TRIQK: variants seen among roughly 807,000 people sequenced by gnomAD.
TRIQK encodes the protein triple QxxK/R motif-containing protein.
TRIQK carries 10 observed loss-of-function variants against 10.8 expected under a neutral mutation model. The observed-to-expected ratio is 0.92, with a 90% CI of 0.57 to 1.57. The LOEUF (loss-of-function observed/expected upper bound fraction) is 1.57. Ranked by LOEUF, TRIQK falls within the 40% of genes most tolerant of loss-of-function variation. The pLI, the probability that TRIQK is intolerant of heterozygous loss-of-function variation, is 0.00. For synonymous variants in TRIQK, 33 were observed against 33.7 expected, an observed-to-expected ratio of 0.98 and a Z score of 0.07; for missense variants, 107 against 97.7, an observed-to-expected ratio of 1.09 and a Z score of -0.40.
intron 3 of TRIQK, among the ~76,000 whole-genome samples, chr8:92,894,774 C>G (rs1808501741): frequency 6.6e-6 from 1 of 152,032 alleles, no homozygotes; most frequent in South Asian, 2.1e-4. Flanking sequence ...TGTGGAAACT[C>G]TGCAAACTAG....
intron 1 of TRIQK, among the ~76,000 whole-genome samples, chr8:93,006,387 A>T (rs1813272048): frequency 6.6e-6 from 1 of 152,192 alleles, no homozygotes; most frequent in African/African-American, 2.4e-5. Flanking sequence ...GCAGTGAGTG[A>T]TCATGCTACC....
upstream of TRIQK, among the ~76,000 whole-genome samples, chr8:92,968,585 C>T (rs187956970): frequency 1.2e-3 from 181 of 152,188 alleles, no homozygotes; most frequent in African/African-American, 4.1e-3. Context: ...GCTTATTGGA[C>T]GCATAAATGT....
At chr8:92,991,421 C>G (rs1380302937) in intron 1 of TRIQK, among the ~76,000 whole-genome samples, 5 of 152,228 alleles carry the variant, frequency 3.3e-5, no homozygotes, top group Non-Finnish European at 7.3e-5. Context: ...CAGACTGCCT[C>G]TTCAAGTGGG....
intron 1 of TRIQK, chr8:92,964,933 T>C (rs2130726532): frequency 6.6e-6 from 1 of 152,358 alleles, no homozygotes; most frequent in South Asian, 2.1e-4. Flanking sequence ...ACAAGCTTCC[T>C]TCCTGGGGGT....
chr8:92,929,349 A>G (rs1338471967), intron 2 of TRIQK, among the ~76,000 whole-genome samples: 1 of 152,194 alleles, frequency 6.6e-6, no homozygotes, highest in South Asian at 2.1e-4. Flanking sequence ...AATCTACATT[A>G]CAAAATGTTT....
chr8:92,895,181 C>G (rs1808529054), intron 3 of TRIQK, among the ~76,000 whole-genome samples: 3 of 152,216 alleles, frequency 2.0e-5, no homozygotes, highest in Admixed American at 2.0e-4. Context: ...TGCCTTCCAC[C>G]ATGGGATAAT....
At chr8:92,954,679 T>G (rs1392224102) in intron 1 of TRIQK, 115 bp from the exon 2 acceptor site, 1 of 152,022 alleles carries the variant, frequency 6.6e-6, no homozygotes, top group East Asian at 1.9e-4. Context: ...CTTGGTTTGC[T>G]AACTCTGTTA....
chr8:92,901,187 C>G (rs1175488835), intron 3 of TRIQK, among the ~76,000 whole-genome samples: 1 of 152,132 alleles, frequency 6.6e-6, no homozygotes, highest in Non-Finnish European at 1.5e-5. Flanking sequence ...ACCATATCAT[C>G]TGCAAACAAG....
intron 1 of TRIQK, among the ~76,000 whole-genome samples, chr8:93,007,063 A>G (rs2130760823): frequency 6.6e-6 from 1 of 152,282 alleles, no homozygotes; most frequent in Middle Eastern, 3.4e-3. Flanking sequence ...GAGACCCCCC[A>G]AGAGGGGTCA....
intron 2 of TRIQK, among the ~76,000 whole-genome samples, chr8:92,949,757 G>A (rs1811756928): frequency 1.1e-5 from 1 of 91,330 alleles, no homozygotes; most frequent in Admixed American, 1.2e-4. Context: ...GGAAAGGGAA[G>A]GAAAGAAAGA....
chr8:93,003,742 C>T (rs1341252513), intron 1 of TRIQK, among the ~76,000 whole-genome samples: 2 of 152,136 alleles, frequency 1.3e-5, no homozygotes, highest in Admixed American at 1.3e-4. Flanking sequence ...ATACAATGAG[C>T]GTACAGGCAT....
At chr8:92,927,590 G>A (rs1385442092) in intron 2 of TRIQK, among the ~76,000 whole-genome samples, 1 of 152,154 alleles carries the variant, frequency 6.6e-6, no homozygotes, top group African/African-American at 2.4e-5. Context: ...TTTTGGTCCA[G>A]AAGGACTGAA....
intron 1 of TRIQK, among the ~76,000 whole-genome samples, chr8:92,976,065 T>TATA (rs1480009258): frequency 6.6e-6 from 1 of 151,932 alleles, no homozygotes; most frequent in Non-Finnish European, 1.5e-5. Context: ...GTATAGAAAC[T>TATA]TATTTTATTA....
At chr8:92,895,642 G>A (rs757966056) in intron 3 of TRIQK, among the ~76,000 whole-genome samples, 11 of 152,142 alleles carry the variant, frequency 7.2e-5, no homozygotes, top group Non-Finnish European at 1.2e-4. Context: ...CATCTTATTG[G>A]GACCTGGAGT....
In TRIQK at chr8:92,926,660, C is replaced by T. The variant is rs570234045; in HGVS notation, c.-21-9650G>A. On this transcript the variant is annotated intron_variant, in intron 2 of 4. Transcript: ENST00000521988. ...TTCAAGTAATAATCATAGCACACTA[C>T]GTCCATGAGTCACTTTAACAAGAAA... is the stretch of plus-strand genomic sequence containing the variant. Among the ~76,000 whole-genome samples, 5 of 152,212 alleles carry T rather than the reference C, an allele frequency of 3.3e-5. No homozygotes were observed. In the South Asian group the frequency reaches 1.0e-3, roughly 32 times the overall value.
chr8:92,904,620 A>G (rs1228272406), intron 3 of TRIQK, among the ~76,000 whole-genome samples: 1 of 152,124 alleles, frequency 6.6e-6, no homozygotes, highest in Admixed American at 6.5e-5. Context: ...ATACTGCAAG[A>G]GGCTGTCTGT....
Position 92,916,972 on chromosome 8 carries a change from A to T in TRIQK, c.18T>A (p.Ala6=). MGRKD[A]ATIKLPVDQY... is the part of the protein sequence containing the mutation. ...GATCAACAGGAAGTTTTATAGTAGC[A>T]GCATCTTTTCTACCCATCTTTGATC... Residue 6 remains alanine, a synonymous_variant, in exon 3 of 5, where the codon GCT becomes GCA. Transcript: ENST00000521988. The T allele has an allele frequency of 6.6e-7, 1 of 1,511,264 alleles. No individual in the cohort carries two copies. The highest frequency in any genetic ancestry group is 1.3e-5 in the South Asian group (1 of 78,646). 93.6% of individuals were successfully genotyped at this position (1,511,264 alleles called of 1,614,324 possible).
chr8:92,959,057 C>A (rs752538385), intron 1 of TRIQK, among the ~76,000 whole-genome samples: 1 of 151,428 alleles, frequency 6.6e-6, no homozygotes, highest in East Asian at 1.9e-4. Context: ...AACAAATGAG[C>A]GTGATTGTTT....
intron 3 of TRIQK, among the ~76,000 whole-genome samples, chr8:92,910,964 G>T (rs1037851005): frequency 3.3e-5 from 5 of 151,228 alleles, no homozygotes; most frequent in Non-Finnish European, 7.4e-5. Context: ...AATATAAGTA[G>T]TACTGAATCC....
Sources: gnomAD v4.1 joint callset for allele counts (sites outside exome capture counted in the v4.1 genomes callset) on GRCh38, gnomAD v4.1.1 for gene constraint, MANE v1.5 for transcripts, NCBI Gene and HGNC (gene_info 2026-07-23, HGNC 2026-07-21) for gene names.